MARCHF1: variants seen among roughly 807,000 people sequenced by gnomAD.
MARCHF1 encodes E3 ubiquitin-protein ligase MARCHF1.
Under a neutral mutation model 54.2 loss-of-function variants are expected in MARCHF1, and 40 were observed. That is an observed-to-expected ratio of 0.74 (90% CI 0.57 to 0.96). The LOEUF is 0.96. MARCHF1 is among the 40% of genes least tolerant of loss of function. The pLI is 0.00. For missense variants in MARCHF1, 586 were observed against 656.5 expected (o/e 0.89, Z 1.17); for synonymous variants, 236 against 236.3 (o/e 1.00, Z 0.01).
intron 3 of MARCHF1, among the ~76,000 whole-genome samples, chr4:163,979,509 T>A (rs1426158738): frequency 1.4e-5 from 2 of 147,212 alleles, no homozygotes; most frequent in African/African-American, 2.5e-5. Flanking sequence ...TATAGCAGCA[T>A]GATTTATAGT....
chr4:163,794,397 T>C (rs1296428158), intron 4 of MARCHF1, among the ~76,000 whole-genome samples: 1 of 152,228 alleles, frequency 6.6e-6, no homozygotes, highest in African/African-American at 2.4e-5. Context: ...AATAAAAATC[T>C]GGTGGTTTTG....
chr4:163,567,018 T>A (rs576830812), intron 8 of MARCHF1, among the ~76,000 whole-genome samples: 1 of 152,244 alleles, frequency 6.6e-6, no homozygotes, highest in African/African-American at 2.4e-5. Flanking sequence ...GAACCAGGAA[T>A]TTAATCTAAG....
rs534329191 is a variant in MARCHF1 at position 163,927,581 on chromosome 4, T to A, written c.-39+60920A>T. Among the ~76,000 whole-genome samples, 23 of 151,942 alleles carry A rather than the reference T, an allele frequency of 1.5e-4. No homozygotes were observed. In the South Asian group the frequency reaches 4.8e-3, roughly 31 times the overall value. On this transcript the variant is annotated intron_variant, in intron 3 of 9. Transcript: ENST00000514618. ...GATTCTGATATTCATTTTAAACTTG[T>A]TAAATTCAAGAAATAACTTTTCCAG...
intron 1 of MARCHF1, among the ~76,000 whole-genome samples, chr4:164,275,966 T>C (rs1170290001): frequency 1.3e-5 from 2 of 152,222 alleles, no homozygotes; most frequent in Admixed American, 1.3e-4. Flanking sequence ...TTTGTTTATA[T>C]AGTCAATATC....
chr4:163,588,675 T>C (rs1023606629), intron 7 of MARCHF1, among the ~76,000 whole-genome samples: 7 of 152,170 alleles, frequency 4.6e-5, no homozygotes, highest in African/African-American at 7.2e-5. Flanking sequence ...TAAAGTCTTA[T>C]GGGAACACAG....
At chr4:163,667,290 C>A (rs979567648) in intron 5 of MARCHF1, among the ~76,000 whole-genome samples, 2 of 152,088 alleles carry the variant, frequency 1.3e-5, no homozygotes, top group African/African-American at 2.4e-5. Flanking sequence ...GCTGAAACTG[C>A]AAGGCTAGAA....
chr4:163,754,087 AT>A (rs1561059249), intron 4 of MARCHF1, among the ~76,000 whole-genome samples: 1 of 152,194 alleles, frequency 6.6e-6, no homozygotes, highest in East Asian at 1.9e-4. Context: ...GAAGGTCAAC[AT>A]TGTTATCAGG....
intron 5 of MARCHF1, among the ~76,000 whole-genome samples, chr4:163,686,744 T>C (rs574947438): frequency 6.6e-6 from 1 of 152,202 alleles, no homozygotes; most frequent in Non-Finnish European, 1.5e-5. Flanking sequence ...TCAACTGACA[T>C]AAGAAAAATG....
intron 7 of MARCHF1, among the ~76,000 whole-genome samples, chr4:163,593,016 T>A (rs7693970): frequency 1.3e-5 from 2 of 151,890 alleles, no homozygotes; most frequent in Non-Finnish European, 2.9e-5. Context: ...GATAATCCCT[T>A]CCCTGTTAAC....
At chr4:163,638,244 A>C (rs939861044) in intron 5 of MARCHF1, among the ~76,000 whole-genome samples, 5 of 150,520 alleles carry the variant, frequency 3.3e-5, no homozygotes, top group Non-Finnish European at 7.4e-5. Flanking sequence ...AAGTATAATA[A>C]AAAAAAAAAT....
At chr4:164,077,695 A>G (rs1755008835) in intron 2 of MARCHF1, among the ~76,000 whole-genome samples, 1 of 152,202 alleles carries the variant, frequency 6.6e-6, no homozygotes, top group South Asian at 2.1e-4. Flanking sequence ...AAAAAAACAA[A>G]CAATCCCATC....
chr4:164,324,676 T>C (rs1945146181), intron 1 of MARCHF1, among the ~76,000 whole-genome samples: 1 of 151,394 alleles, frequency 6.6e-6, no homozygotes, highest in African/African-American at 2.4e-5. Flanking sequence ...TTATCTGTGT[T>C]AGCAATAAGT....
At chr4:163,744,074 A>T (rs1746287348) in intron 4 of MARCHF1, among the ~76,000 whole-genome samples, 1 of 152,196 alleles carries the variant, frequency 6.6e-6, no homozygotes, top group Admixed American at 6.5e-5. Flanking sequence ...TTATTTTCAA[A>T]TCAGTTTCTA....
At chr4:164,022,413 C>A (rs1753684776) in intron 2 of MARCHF1, among the ~76,000 whole-genome samples, 1 of 152,144 alleles carries the variant, frequency 6.6e-6, no homozygotes, top group African/African-American at 2.4e-5. Context: ...GGAGAGCTGA[C>A]ACAGAAACCA....
intron 1 of MARCHF1, among the ~76,000 whole-genome samples, chr4:164,359,527 G>T (rs982115759): frequency 1.3e-5 from 2 of 151,960 alleles, no homozygotes; most frequent in Non-Finnish European, 2.9e-5. Context: ...GTACATTATG[G>T]AATTTCATCA....
In MARCHF1 at chr4:164,141,125, G is replaced by T. The variant is rs77966814; in HGVS notation, c.-322-29463C>A. Reference sequence around the variant, plus strand: ...CTTTAAGTGGAAAGAGAAAACTGGGGAGAACTAATCAGCAGCACTTCTCCT... The same window carrying T: ...CTTTAAGTGGAAAGAGAAAACTGGGTAGAACTAATCAGCAGCACTTCTCCT... On this transcript the variant is annotated intron_variant, in intron 1 of 9. Transcript: ENST00000514618. 7.2e-5 allele frequency among the ~76,000 whole-genome samples: 11 copies of T among 152,302 alleles called. No homozygotes were observed. In the East Asian group the frequency reaches 2.1e-3, roughly 29 times the overall value.
chr4:164,134,240 A>T (rs1756356441), intron 1 of MARCHF1, among the ~76,000 whole-genome samples: 2 of 152,172 alleles, frequency 1.3e-5, no homozygotes, highest in Admixed American at 1.3e-4. Context: ...GTGGTCATTG[A>T]TCTTGCTCTG....
chr4:163,809,751 A>G (rs147443181), intron 4 of MARCHF1, among the ~76,000 whole-genome samples: 1 of 152,190 alleles, frequency 6.6e-6, no homozygotes. Flanking sequence ...TACACACACA[A>G]ATATATTTAT....
intron 3 of MARCHF1, among the ~76,000 whole-genome samples, chr4:163,959,658 A>T (rs1752306104): frequency 6.6e-6 from 1 of 152,058 alleles, no homozygotes; most frequent in Non-Finnish European, 1.5e-5. Context: ...ATATAAAAAA[A>T]TCAACTTAAG....
Sources: gnomAD v4.1 joint callset for allele counts (sites outside exome capture counted in the v4.1 genomes callset) on GRCh38, gnomAD v4.1.1 for gene constraint, MANE v1.5 for transcripts, NCBI Gene and HGNC (gene_info 2026-07-23, HGNC 2026-07-21) for gene names.